The following UBR1 variants were observed in gnomAD, a reference collection of about 807,000 sequenced individuals.
UBR1 encodes the protein E3 ubiquitin-protein ligase UBR1.
Under a neutral mutation model 242.1 loss-of-function variants are expected in UBR1, and 102 were observed. The ratio of observed to expected loss-of-function variants is 0.42; its 90% CI spans 0.36 to 0.50. The LOEUF (loss-of-function observed/expected upper bound fraction) is 0.50, where lower values mean the gene tolerates loss of function less well. Ranked by LOEUF, UBR1 falls within the 20% of genes least tolerant of loss-of-function variation. The probability of loss-of-function intolerance (pLI) is 0.01; values close to 1 mark genes in which losing one functional copy is unlikely to be tolerated. For synonymous variants in UBR1, 675 were observed against 684.8 expected, an observed-to-expected ratio of 0.99 and a Z score of 0.22; for missense variants, 1,772 against 2,101.8, an observed-to-expected ratio of 0.84 and a Z score of 3.07.
intron 1 of UBR1, among the ~76,000 whole-genome samples, chr15:43,098,810 A>C (rs1207160306): frequency 6.6e-6 from 1 of 152,198 alleles, no homozygotes. Context: ...GAGATGGTGA[A>C]AAAACAAAAG....
intron 29 of UBR1, among the ~76,000 whole-genome samples, chr15:43,014,029 A>C (rs1053949297): frequency 5.0e-4 from 76 of 152,360 alleles, no homozygotes; most frequent in African/African-American, 1.7e-3. Flanking sequence ...TTGCAGGTGC[A>C]CGCTGCCACG....
intron 44 of UBR1, among the ~76,000 whole-genome samples, chr15:42,956,240 T>C (rs1208947759): frequency 6.6e-6 from 1 of 152,210 alleles, no homozygotes; most frequent in Non-Finnish European, 1.5e-5. Flanking sequence ...TAAGGAGTGA[T>C]ATCATAGAAA....
intron 29 of UBR1, among the ~76,000 whole-genome samples, chr15:43,010,621 G>T (rs983924499): frequency 2.0e-5 from 3 of 152,004 alleles, no homozygotes; most frequent in Non-Finnish European, 4.4e-5. Context: ...ATTTGGGCTG[G>T]TGCTCAAATG....
chr15:43,055,010 T>C, intron 11 of UBR1, 111 bp from the exon 12 acceptor site: 1 of 1,275,104 alleles, frequency 7.8e-7, no homozygotes, highest in Non-Finnish European at 1.1e-6. Flanking sequence ...ATGTTTGTTA[T>C]TGAATGTTAA....
chr15:42,990,691 A>G (rs961438168), intron 33 of UBR1, among the ~76,000 whole-genome samples: 9 of 152,252 alleles, frequency 5.9e-5, no homozygotes, highest in African/African-American at 1.9e-4. Flanking sequence ...TAGATCATGA[A>G]CATCTTTCTA....
chr15:43,047,090 C>G, intron 14 of UBR1, 71 bp downstream of exon 14: 1 of 1,567,666 alleles, frequency 6.4e-7, no homozygotes, highest in Non-Finnish European at 8.8e-7. Flanking sequence ...GAAGCTGCAA[C>G]ATAAAACTAT....
At chr15:42,968,694 C>G (rs1303181303) in intron 40 of UBR1, among the ~76,000 whole-genome samples, 3 of 152,066 alleles carry the variant, frequency 2.0e-5, no homozygotes, top group Non-Finnish European at 4.4e-5. Flanking sequence ...CTGACAGGCC[C>G]TGGTGTGTGA....
chr15:43,070,375 C>A (rs1325989571), intron 5 of UBR1, among the ~76,000 whole-genome samples: 1 of 151,298 alleles, frequency 6.6e-6, no homozygotes, highest in Non-Finnish European at 1.5e-5. Context: ...AGGACAAGAG[C>A]TAAAAACCCG....
intron 15 of UBR1, among the ~76,000 whole-genome samples, chr15:43,041,498 G>A (rs925397498): frequency 2.0e-5 from 3 of 151,948 alleles, no homozygotes; most frequent in Admixed American, 6.6e-5. Flanking sequence ...ATTAAATGAC[G>A]AGTTAATGGG....
intron 33 of UBR1, 66 bp downstream of exon 33, chr15:42,998,102 T>C: frequency 7.3e-7 from 1 of 1,369,042 alleles, no homozygotes; most frequent in African/African-American, 1.5e-5. Context: ...GCCCAATAAT[T>C]ATTTAAAAAA....
At chr15:43,088,386 A>G (rs1031677962) in intron 1 of UBR1, among the ~76,000 whole-genome samples, 2 of 152,250 alleles carry the variant, frequency 1.3e-5, no homozygotes, top group Non-Finnish European at 2.9e-5. Context: ...TGCAGTCAGA[A>G]TGTCATAAAT....
intron 6 of UBR1, among the ~76,000 whole-genome samples, chr15:43,061,404 A>C (rs903766720): frequency 3.9e-5 from 6 of 152,230 alleles, no homozygotes; most frequent in African/African-American, 1.4e-4. Flanking sequence ...AAGTCATTAT[A>C]CGAAAAAAGA....
At chr15:43,000,607 C>T (rs1245643203) in intron 32 of UBR1, among the ~76,000 whole-genome samples, 1 of 152,112 alleles carries the variant, frequency 6.6e-6, no homozygotes, top group Non-Finnish European at 1.5e-5. Flanking sequence ...AAAACTATCC[C>T]TAGTCTCCAA....
At chr15:42,945,616 TC>T in intron 46 of UBR1, 146 bp from the exon 47 acceptor site, 1 of 26,986 alleles carries the variant, frequency 3.7e-5, no homozygotes. Context: ...TATTTTCCCT[TC>T]ACCATTGATC....
chr15:43,100,168 C>T (rs771288862), intron 1 of UBR1, among the ~76,000 whole-genome samples: 1 of 152,028 alleles, frequency 6.6e-6, no homozygotes, highest in Non-Finnish European at 1.5e-5. Flanking sequence ...AGCCACTGCA[C>T]CAGGCCAAGA....
chr15:43,105,897 A>C (rs1411390375), intron 1 of UBR1, 45 bp downstream of exon 1: 2 of 1,581,488 alleles, frequency 1.3e-6, no homozygotes, highest in Non-Finnish European at 1.7e-6. Flanking sequence ...CGCAGTAGGG[A>C]GGGACCGGGG....
intron 6 of UBR1, among the ~76,000 whole-genome samples, chr15:43,064,922 G>T (rs2033734033): frequency 6.6e-6 from 1 of 152,054 alleles, no homozygotes; most frequent in African/African-American, 2.4e-5. Context: ...AAAACAAAAG[G>T]CTCCATTTTT....
intron 37 of UBR1, among the ~76,000 whole-genome samples, chr15:42,982,211 CA>C (rs1343300467): frequency 1.3e-5 from 2 of 152,124 alleles, no homozygotes; most frequent in Non-Finnish European, 2.9e-5. Context: ...TAATGTTTAA[CA>C]AGTGCAAAAG....
At chr15:43,018,096 G>C (rs1224649445) in intron 27 of UBR1, among the ~76,000 whole-genome samples, 2 of 151,316 alleles carry the variant, frequency 1.3e-5, no homozygotes, top group East Asian at 3.9e-4. Context: ...TACGCCTCTT[G>C]GGTACATGCC....
Sources: allele counts gnomAD v4.1 joint callset (sites outside exome capture counted in the v4.1 genomes callset), GRCh38; gene constraint gnomAD v4.1.1; transcripts MANE v1.5; gene names NCBI Gene and HGNC (gene_info 2026-07-23, HGNC 2026-07-21).